Variants in ARL3 observed in about 807,000 individuals in gnomAD.
ARL3 encodes the protein ADP-ribosylation factor-like protein 3.
Under a neutral mutation model 26.0 loss-of-function variants are expected in ARL3, and 9 were observed. That is an observed-to-expected ratio of 0.35 (90% confidence interval 0.21 to 0.60). ARL3 has a LOEUF of 0.60. Ranked by LOEUF, ARL3 falls within the 20% of genes least tolerant of loss-of-function variation. The pLI is 0.78. For missense variants in ARL3, 158 were observed against 215.7 expected, an observed-to-expected ratio of 0.73 and a Z score of 1.67; for synonymous variants, 71 against 78.4, an observed-to-expected ratio of 0.91 and a Z score of 0.50.
intron 3 of ARL3, among the ~76,000 whole-genome samples, chr10:102,698,649 T>C (rs529996892): frequency 3.3e-5 from 5 of 152,222 alleles, no homozygotes; most frequent in South Asian, 2.1e-4. Flanking sequence ...AAGTGGACAG[T>C]GAAATCTCCA....
intron 4 of ARL3, 32 bp from the exon 5 acceptor site, chr10:102,686,033 T>A: frequency 6.4e-7 from 1 of 1,570,444 alleles, no homozygotes; most frequent in Non-Finnish European, 8.7e-7. Flanking sequence ...GGAGGGAAGG[T>A]TAAAATCTAT....
chr10:102,694,083 G>A (rs1177521901), intron 3 of ARL3, among the ~76,000 whole-genome samples: 2 of 152,060 alleles, frequency 1.3e-5, no homozygotes, highest in Non-Finnish European at 2.9e-5. Flanking sequence ...TGCCTCCCAC[G>A]TTCACGCCAT....
intron 2 of ARL3, among the ~76,000 whole-genome samples, chr10:102,701,954 G>A (rs144397570): frequency 1.5e-3 from 228 of 151,880 alleles, no homozygotes; most frequent in Non-Finnish European, 2.8e-3. Flanking sequence ...AGACTGAGGC[G>A]GGAGGACTGC....
At chr10:102,703,734 C>G (rs1359094685) in intron 2 of ARL3, among the ~76,000 whole-genome samples, 7 of 151,924 alleles carry the variant, frequency 4.6e-5, no homozygotes, top group Non-Finnish European at 1.0e-4. Flanking sequence ...TGAGCCACCA[C>G]GCCCGGCCCA....
chr10:102,693,257 A>G (rs868343868), intron 3 of ARL3, among the ~76,000 whole-genome samples: 20 of 152,180 alleles, frequency 1.3e-4, no homozygotes, highest in African/African-American at 4.8e-4. Context: ...GCTTTGTAAG[A>G]AACTACCAAC....
intron 5 of ARL3, among the ~76,000 whole-genome samples, chr10:102,680,143 A>C (rs903586040): frequency 1.6e-4 from 25 of 152,068 alleles, no homozygotes; most frequent in African/African-American, 5.8e-4. Context: ...ACAGCGTTTC[A>C]CCATGTTAGC....
At chr10:102,700,047 AT>A (rs1246074284) in intron 2 of ARL3, among the ~76,000 whole-genome samples, 1 of 152,192 alleles carries the variant, frequency 6.6e-6, no homozygotes, top group East Asian at 1.9e-4. Context: ...TAACTCGAAT[AT>A]ATCAGCCCAG....
intron 3 of ARL3, among the ~76,000 whole-genome samples, chr10:102,695,260 T>C (rs1048095075): frequency 6.6e-6 from 1 of 152,234 alleles, no homozygotes; most frequent in African/African-American, 2.4e-5. Context: ...TTCCTATCCA[T>C]GAGCACGGAC....
At chr10:102,684,990 G>A (rs1305263241) in intron 5 of ARL3, among the ~76,000 whole-genome samples, 1 of 149,082 alleles carries the variant, frequency 6.7e-6, no homozygotes, top group Non-Finnish European at 1.5e-5. Context: ...GCTCATGCCT[G>A]TAATCCCAGC....
At chr10:102,686,452 T>C (rs2064186176) in intron 4 of ARL3, among the ~76,000 whole-genome samples, 1 of 146,316 alleles carries the variant, frequency 6.8e-6, no homozygotes, top group Non-Finnish European at 1.5e-5. Flanking sequence ...ATTCTCAAAC[T>C]TTTTTTTTTC....
At chr10:102,703,116 G>GTTT (rs2064289048) in intron 2 of ARL3, among the ~76,000 whole-genome samples, 2 of 115,206 alleles carry the variant, frequency 1.7e-5, no homozygotes, top group Admixed American at 9.7e-5. Flanking sequence ...ATCAGGTCTT[G>GTTT]TCTTTTTTTT....
intron 1 of ARL3, among the ~76,000 whole-genome samples, chr10:102,713,053 A>AT (rs377709954): frequency 0.11 from 12,420 of 118,022 alleles, 722 homozygotes; most frequent in Non-Finnish European, 0.15. Context: ...ACATACATCT[A>AT]TTTTTTTTTT....
intron 3 of ARL3, among the ~76,000 whole-genome samples, chr10:102,692,662 C>G (rs1245390095): frequency 6.6e-6 from 1 of 151,944 alleles, no homozygotes; most frequent in Non-Finnish European, 1.5e-5. Context: ...GTGATCCACC[C>G]ACCTCAGCCT....
At chr10:102,694,355 T>C (rs911756669) in intron 3 of ARL3, among the ~76,000 whole-genome samples, 4 of 152,218 alleles carry the variant, frequency 2.6e-5, no homozygotes, top group African/African-American at 9.6e-5. Context: ...TTTTTGTGTA[T>C]CTAAAACCTC....
intron 2 of ARL3, 36 bp downstream of exon 2, chr10:102,705,310 G>T (rs934893150): frequency 1.0e-5 from 16 of 1,525,476 alleles, no homozygotes; most frequent in Non-Finnish European, 1.3e-5. Context: ...TCGTCTTCCT[G>T]TGTCACACGG....
intron 1 of ARL3, among the ~76,000 whole-genome samples, chr10:102,711,255 A>G (rs80171687): frequency 0.047 from 7,130 of 152,132 alleles, 210 homozygotes; most frequent in South Asian, 0.093. Context: ...CCACTTCACC[A>G]GAGTCCTAAT....
At chr10:102,709,601 C>T (rs559458098) in intron 1 of ARL3, among the ~76,000 whole-genome samples, 2 of 131,616 alleles carry the variant, frequency 1.5e-5, no homozygotes, top group Admixed American at 8.8e-5. Context: ...GAACTATGGT[C>T]GGGCCACTGC....
chr10:102,686,353 T>A (rs2064185581), intron 4 of ARL3, among the ~76,000 whole-genome samples: 1 of 148,662 alleles, frequency 6.7e-6, no homozygotes, highest in African/African-American at 2.5e-5. Context: ...ATTACAGGCG[T>A]GAGCTACCAT....
intron 2 of ARL3, 127 bp downstream of exon 2, chr10:102,705,219 G>A: frequency 8.7e-7 from 1 of 1,155,942 alleles, no homozygotes; most frequent in Non-Finnish European, 1.2e-6. Context: ...GTTATCTTTA[G>A]ATTGTATAGA....
Sources: gnomAD v4.1 joint callset for allele counts (sites outside exome capture counted in the v4.1 genomes callset) on GRCh38, gnomAD v4.1.1 for gene constraint, MANE v1.5 for transcripts, NCBI Gene and HGNC (gene_info 2026-07-23, HGNC 2026-07-21) for gene names.